The following ACACA variants were observed in gnomAD, a reference collection of about 807,000 sequenced individuals.
ACACA encodes acetyl-CoA carboxylase alpha, also known as acetyl-CoA carboxylase 1.
A neutral mutation model predicts 296.1 loss-of-function variants in ACACA; 103 were observed. The ratio of observed to expected loss-of-function variants is 0.35; its 90% CI spans 0.30 to 0.41. The LOEUF (loss-of-function observed/expected upper bound fraction) is 0.41, where lower values mean the gene tolerates loss of function less well. ACACA is among the 10% of genes least tolerant of loss of function. The probability of loss-of-function intolerance (pLI) is 1.00; values close to 1 mark genes in which losing one functional copy is unlikely to be tolerated. For synonymous variants in ACACA, 953 were observed against 1,038.6 expected (o/e 0.92, Z 1.58); for missense variants, 1,554 against 2,989.7 (o/e 0.52, Z 11.20).
At chr17:37,162,990 A>G (rs1027739283) in intron 41 of ACACA, 1 of 154,130 alleles carries the variant, frequency 6.5e-6, no homozygotes, top group African/African-American at 2.4e-5. Flanking sequence ...CACCCAGATC[A>G]TGAAGGTGGA....
At chr17:37,263,988 TC>T in intron 10 of ACACA, 94 bp from the exon 11 acceptor site, 1 of 981,354 alleles carries the variant, frequency 1.0e-6, no homozygotes, top group Non-Finnish European at 1.6e-6. Context: ...CAAGCAGATG[TC>T]CAGAAGTGTC....
intron 45 of ACACA, chr17:37,141,415 C>A: frequency 3.3e-6 from 1 of 306,510 alleles, no homozygotes; most frequent in South Asian, 3.3e-5. Flanking sequence ...TCAGGCACCC[C>A]CACACCTGGC....
chr17:37,270,892 A>G, intron 9 of ACACA, 31 bp from the exon 10 acceptor site: 1 of 1,557,296 alleles, frequency 6.4e-7, no homozygotes, highest in African/African-American at 1.4e-5. Flanking sequence ...AAAATAGAAG[A>G]AACAGTGTTA....
At chr17:37,205,186 A>G (rs1381970295) in intron 33 of ACACA, among the ~76,000 whole-genome samples, 1 of 152,186 alleles carries the variant, frequency 6.6e-6, no homozygotes, top group Non-Finnish European at 1.5e-5. Flanking sequence ...GTCAAGGAAA[A>G]AGTCAATGAC....
intron 14 of ACACA, among the ~76,000 whole-genome samples, chr17:37,256,235 C>G (rs767180440): frequency 6.6e-6 from 1 of 152,078 alleles, no homozygotes; most frequent in Non-Finnish European, 1.5e-5. Context: ...ACCAGAAAGC[C>G]AACAATTTGC....
intron 1 of ACACA, among the ~76,000 whole-genome samples, chr17:37,344,395 T>C (rs925683109): frequency 1.3e-5 from 2 of 150,790 alleles, no homozygotes; most frequent in Admixed American, 6.6e-5. Flanking sequence ...CAGTCTCTAC[T>C]AAAAACACAA....
intron 52 of ACACA, among the ~76,000 whole-genome samples, chr17:37,110,651 A>G (rs897114587): frequency 2.0e-5 from 3 of 152,228 alleles, no homozygotes; most frequent in African/African-American, 7.2e-5. Context: ...GGGGATATAC[A>G]GTCCACAAAT....
intron 3 of ACACA, chr17:37,289,649 T>C (rs2082951717): frequency 1.9e-6 from 1 of 525,116 alleles, no homozygotes; most frequent in South Asian, 1.5e-5. Context: ...TCTCCGGCAG[T>C]AATATAATCT....
intron 41 of ACACA, among the ~76,000 whole-genome samples, chr17:37,174,738 G>C (rs1240369568): frequency 6.6e-6 from 1 of 151,292 alleles, no homozygotes; most frequent in Non-Finnish European, 1.5e-5. Context: ...TCACCATGTG[G>C]GCCAGGATGG....
At chr17:37,088,137 G>A (rs1162834630) in intron 55 of ACACA, among the ~76,000 whole-genome samples, 5 of 152,146 alleles carry the variant, frequency 3.3e-5, no homozygotes, top group African/African-American at 7.2e-5. Context: ...TCATCATGGG[G>A]AGACATCAGA....
At chr17:37,187,173 T>C (rs922073301) in intron 39 of ACACA, among the ~76,000 whole-genome samples, 1 of 152,178 alleles carries the variant, frequency 6.6e-6, no homozygotes, top group African/African-American at 2.4e-5. Context: ...TTTTAACTGC[T>C]CACTTCTCAT....
chr17:37,193,248 C>T lies in ACACA; in HGVS notation c.4200+126G>A, dbSNP rs950771918. ...TAGTTCTAAGACACATGTAAGGCAA[C>T]AGGAAGCACAAGTTCAATAAGAGAA... On this transcript the variant is annotated intron_variant, in intron 36 of 55. Transcript: ENST00000616317. 9.5e-6 allele frequency: 7 copies of T among 738,496 alleles called. No homozygotes were observed. The South Asian group carries it at 1.2e-4, about 13-fold the overall frequency. The allele number at this position is 738,496 out of a possible 1,614,324, so 45.7% of individuals were successfully genotyped here.
chr17:37,368,848 A>G (rs1037186645), intron 1 of ACACA: 1 of 152,170 alleles, frequency 6.6e-6, no homozygotes, highest in Non-Finnish European at 1.5e-5. Flanking sequence ...AATAGTAGGA[A>G]CCTGCATATA....
intron 33 of ACACA, among the ~76,000 whole-genome samples, 186 bp from the exon 34 acceptor site, chr17:37,200,669 C>A (rs774868356): frequency 2.0e-5 from 3 of 151,984 alleles, no homozygotes; most frequent in African/African-American, 4.8e-5. Context: ...CTAAGTCTTA[C>A]GAAATAAATT....
intron 30 of ACACA, among the ~76,000 whole-genome samples, chr17:37,209,297 A>G (rs1450908148): frequency 6.6e-6 from 1 of 152,198 alleles, no homozygotes; most frequent in Non-Finnish European, 1.5e-5. Context: ...TATATTTACT[A>G]AAAAAGCAAG....
chr17:37,371,358 A>G (rs2049800017), intron 1 of ACACA, among the ~76,000 whole-genome samples: 2 of 151,888 alleles, frequency 1.3e-5, no homozygotes, highest in African/African-American at 4.8e-5. Context: ...GGATACACGC[A>G]TGAGCCACGA....
At position 37,259,526 on chromosome 17, in the gene ACACA, G is replaced by A. The variant is rs570639605; in HGVS notation, c.1334C>T (p.Ala445Val). The A allele has an allele frequency of 2.5e-6, 4 of 1,614,064 alleles. No homozygotes were observed. The highest frequency in any genetic ancestry group is 2.2e-5 in the East Asian group (1 of 44,868). The change falls in exon 12 of 56, where the codon GCG becomes GTG. Residue 445 changes from alanine (A) to valine (V), a missense_variant. Ala to Val is a moderately conservative substitution (Grantham distance 64). This residue lies in a region of ACACA where 82 missense variants were observed against 185.2 expected (regional missense o/e 0.44). Transcript: ENST00000616317. ...ACCCACCATTTTGGCAAGTTTCACCGCACACTCAAAGAAGAGAGATAAGCA... is the reference window on the plus strand; with the variant it reads ...ACCCACCATTTTGGCAAGTTTCACCACACACTCAAAGAAGAGAGATAAGCA... ...PAVFEHMEQC[A>V]VKLAKMVGYV...
chr17:37,212,299 GAAAAAGGCCCGAACTGA>G (rs1182465130), intron 29 of ACACA, among the ~76,000 whole-genome samples: 1 of 152,170 alleles, frequency 6.6e-6, no homozygotes, highest in Non-Finnish European at 1.5e-5. Flanking sequence ...GTTTTCAGTA[GAAAAAGGCCCGAACTGA>G]AAAGAACACC....
At chr17:37,381,231 G>A (rs1178461747) in intron 1 of ACACA, among the ~76,000 whole-genome samples, 2 of 152,014 alleles carry the variant, frequency 1.3e-5, no homozygotes, top group Non-Finnish European at 2.9e-5. Context: ...TGTCACCCAG[G>A]CTGGAGCGCA....
Sources: allele counts gnomAD v4.1 joint callset (sites outside exome capture counted in the v4.1 genomes callset), GRCh38; gene constraint gnomAD v4.1.1; regional missense constraint gnomAD v4.1.1; transcripts MANE v1.5; gene names NCBI Gene and HGNC (gene_info 2026-07-23, HGNC 2026-07-21).